Variants in TRIM5 observed in about 807,000 individuals in gnomAD.
The protein encoded by TRIM5 is tripartite motif containing 5, also known as tripartite motif-containing protein 5.
TRIM5 carries 31 observed loss-of-function variants against 35.6 expected under a neutral mutation model. The ratio of observed to expected loss-of-function variants is 0.87; its 90% CI spans 0.65 to 1.18. The LOEUF (loss-of-function observed/expected upper bound fraction) is 1.18, where lower values mean the gene tolerates loss of function less well. TRIM5 is among the 50% of genes most tolerant of loss of function. TRIM5 has a pLI of 0.00. For missense variants in TRIM5, 609 were observed against 591.6 expected (o/e 1.03, Z -0.31); for synonymous variants, 243 against 215.6 (o/e 1.13, Z -1.11).
the TRIM5 span, among the ~76,000 whole-genome samples, chr11:5,618,280 G>C: frequency 1.3e-5 from 2 of 152,088 alleles, no homozygotes; most frequent in African/African-American, 4.8e-5. Context: ...TGAGGCAGGG[G>C]AATCGCTTGA....
At chr11:5,643,185 G>A in the TRIM5 span, 1 of 1,584,440 alleles carries the variant, frequency 6.3e-7, no homozygotes, top group Non-Finnish European at 8.6e-7. Flanking sequence ...TTTGAATCTT[G>A]TCCTTTCAGA....
the TRIM5 span, chr11:5,596,761 G>C: frequency 1.3e-5 from 18 of 1,343,686 alleles, no homozygotes; most frequent in Non-Finnish European, 1.9e-5. Context: ...AGAGTCGTGC[G>C]TGGTTGAGTT....
chr11:5,627,257 G>C, the TRIM5 span, among the ~76,000 whole-genome samples: 1 of 151,980 alleles, frequency 6.6e-6, no homozygotes, highest in African/African-American at 2.4e-5. Context: ...GCAGGCACCT[G>C]TAATCCCAGC....
the TRIM5 span, among the ~76,000 whole-genome samples, chr11:5,598,299 TC>T: frequency 6.6e-6 from 1 of 152,160 alleles, no homozygotes; most frequent in Non-Finnish European, 1.5e-5. Flanking sequence ...AACTGTATGC[TC>T]CCCTCCTTCA....
the TRIM5 span, among the ~76,000 whole-genome samples, chr11:5,653,706 T>C: frequency 6.6e-6 from 1 of 152,076 alleles, no homozygotes; most frequent in Non-Finnish European, 1.5e-5. Flanking sequence ...TTGGTCAGGC[T>C]GGTCTCGAAC....
chr11:5,627,584 A>G, the TRIM5 span, among the ~76,000 whole-genome samples: 85 of 152,336 alleles, frequency 5.6e-4, 1 homozygote, highest in South Asian at 0.016. Context: ...ATGTTAAAAA[A>G]TAGCTTTTTG....
In TRIM5 at chr11:5,664,692, T is replaced by C. The variant is rs1850990753; in HGVS notation, c.*117A>G. ...TACTGATGAGTGAAGGACGTTCAAA[T>C]AGAAAGAAGGGAGACAGCAAGGAAA... On this transcript the variant is annotated 3_prime_UTR_variant, in exon 8 of 8. Coordinates refer to ENST00000380034, the MANE Select transcript of TRIM5 (RefSeq NM_033034.3). 16 of 1,470,626 alleles carry C rather than the reference T, an allele frequency of 1.1e-5. No homozygotes were observed. Among genetic ancestry groups the C allele is most frequent in the East Asian group, 2.3e-5 (1 of 43,012 alleles). The allele number at this position is 1,470,626 out of a possible 1,614,324, so 91.1% of individuals were successfully genotyped here.
At chr11:5,676,951 T>C (rs1343974866) in intron 4 of TRIM5, among the ~76,000 whole-genome samples, 1 of 151,396 alleles carries the variant, frequency 6.6e-6, no homozygotes, top group Admixed American at 6.6e-5. Flanking sequence ...CAAAAATCAA[T>C]TCAAGATGGA....
chr11:5,611,483 TCGCTC>T, the TRIM5 span: 1 of 765,966 alleles, frequency 1.3e-6, no homozygotes, highest in African/African-American at 1.7e-5. Flanking sequence ...AGATGGAATC[TCGCTC>T]TGTCGCCCAG....
chr11:5,645,786 A>T, the TRIM5 span: 3 of 222,330 alleles, frequency 1.3e-5, no homozygotes, highest in African/African-American at 7.1e-5. Flanking sequence ...CTCTGGATAC[A>T]TTCCCACCTG....
the TRIM5 span, chr11:5,632,772 G>C: frequency 1.3e-6 from 2 of 1,575,464 alleles, no homozygotes; most frequent in Non-Finnish European, 1.7e-6. Context: ...CCTAGATGGA[G>C]GGAGATGGGG....
the TRIM5 span, chr11:5,605,301 C>T: frequency 2.9e-5 from 46 of 1,612,684 alleles, no homozygotes; most frequent in East Asian, 1.1e-4. Flanking sequence ...TCAGTGTGAC[C>T]GACTAGCAGC....
At chr11:5,670,411 C>T (rs560082745) in intron 4 of TRIM5, among the ~76,000 whole-genome samples, 5 of 151,788 alleles carry the variant, frequency 3.3e-5, no homozygotes, top group African/African-American at 9.7e-5. Flanking sequence ...GGTCTCGATC[C>T]GCCCGCCTCG....
the TRIM5 span, among the ~76,000 whole-genome samples, chr11:5,630,601 T>C: frequency 6.6e-6 from 1 of 152,234 alleles, no homozygotes; most frequent in Non-Finnish European, 1.5e-5. Context: ...TGATTCCTTC[T>C]GCCTAAAATA....
At chr11:5,650,227 G>T in the TRIM5 span, among the ~76,000 whole-genome samples, 1 of 152,204 alleles carries the variant, frequency 6.6e-6, no homozygotes, top group Non-Finnish European at 1.5e-5. Flanking sequence ...TGTAGTCAAT[G>T]TGCAACTAAG....
rs369069680 is a variant in TRIM5 at position 5,679,055 on chromosome 11, G to A, written c.513+19C>T. ...GCCCAGATTTCTAGCTAACTCCTTCGGGAACCACATCCTCTTGCCTTCCAG... is the reference window on the plus strand; with the variant it reads ...GCCCAGATTTCTAGCTAACTCCTTCAGGAACCACATCCTCTTGCCTTCCAG... On this transcript the variant is annotated intron_variant, in intron 3 of 7. Transcript: ENST00000380034. 1.4e-5 allele frequency: 23 copies of A among 1,607,726 alleles called. No individual in the cohort carries two copies. Among genetic ancestry groups the A allele is most frequent in the Middle Eastern group, 1.6e-4 (1 of 6,072 alleles).
At chr11:5,656,269 A>G in the TRIM5 span, among the ~76,000 whole-genome samples, 3 of 152,236 alleles carry the variant, frequency 2.0e-5, no homozygotes, top group African/African-American at 7.2e-5. Flanking sequence ...ACAAAGGGCT[A>G]AAATCCAGAA....
At chr11:5,667,608 TA>T in intron 5 of TRIM5, 80 bp downstream of exon 5, 1 of 1,460,632 alleles carries the variant, frequency 6.8e-7, no homozygotes, top group Non-Finnish European at 9.4e-7. Context: ...TGTTTTATTC[TA>T]ATTAAACCCA....
At chr11:5,634,492 T>TACACAC in the TRIM5 span, 4,335 of 227,778 alleles carry the variant, frequency 0.019, 113 homozygotes, top group East Asian at 0.08. Flanking sequence ...ATAATATAAA[T>TACACAC]ACACACACAC....
Sources: gnomAD v4.1 joint callset for allele counts (sites outside exome capture counted in the v4.1 genomes callset) on GRCh38, gnomAD v4.1.1 for gene constraint, MANE v1.5 for transcripts, NCBI Gene and HGNC (gene_info 2026-07-23, HGNC 2026-07-21) for gene names.